Variants in DZANK1 observed in about 807,000 individuals in gnomAD.
DZANK1 encodes the protein double zinc ribbon and ankyrin repeat-containing protein 1.
A neutral mutation model predicts 94.5 loss-of-function variants in DZANK1; 91 were observed. The observed-to-expected ratio is 0.96, with a 90% CI of 0.81 to 1.15. The LOEUF is 1.15. Among genes scored for constraint, DZANK1 ranks in the 50% most tolerant of loss-of-function variants. DZANK1 has a pLI of 0.00. For synonymous variants in DZANK1, 312 were observed against 325.3 expected, an observed-to-expected ratio of 0.96 and a Z score of 0.44; for missense variants, 903 against 916.4, an observed-to-expected ratio of 0.99 and a Z score of 0.19.
In DZANK1 at chr20:18,444,321, G is replaced by A. The variant is rs117454030; in HGVS notation, c.630-857C>T. Among the ~76,000 whole-genome samples, 192 of 152,330 alleles carry A rather than the reference G, an allele frequency of 1.3e-3. 2 individuals carry two copies. The highest frequency in any genetic ancestry group is 3.4e-3 in the Middle Eastern group (1 of 294). ...GGGCCCACCCGCCAGAGCAACAACA[G>A]TTCCCTCTTTTCTATGCTTAAAGCT... is the stretch of plus-strand genomic sequence containing the variant. On this transcript the variant is annotated intron_variant, in intron 7 of 20. Coordinates refer to ENST00000262547, the Ensembl canonical transcript of DZANK1.
At chr20:18,386,050 G>A (rs1042775527) in intron 19 of DZANK1, among the ~76,000 whole-genome samples, 6 of 152,148 alleles carry the variant, frequency 3.9e-5, no homozygotes, top group Admixed American at 6.6e-5. Context: ...AATAGGCATT[G>A]ACGGTCTGAA....
Position 18,449,053 on chromosome 20 carries a change from T to C in DZANK1, c.560A>G (p.His187Arg), listed in dbSNP as rs2058997372. Residue 187 changes from histidine (H) to arginine (R), a missense_variant, in exon 7 of 21, where the codon CAC becomes CGC. By Grantham distance (29) the His-to-Arg change is conservative. Coordinates refer to ENST00000262547, the Ensembl canonical transcript of DZANK1. ...TGTCAAACACTTCTGACCGCTTACG[T>C]GTGCAAAACCGGGGGACTAAAATTA... is the stretch of plus-strand genomic sequence containing the variant. 1.9e-6 allele frequency: 3 copies of C among 1,613,844 alleles called. No individual in the cohort carries two copies. The African/African-American group carries it at 4.0e-5, about 22-fold the overall frequency.
intron 9 of DZANK1, chr20:18,432,631 T>C (rs1279612275): frequency 6.6e-6 from 1 of 152,226 alleles, no homozygotes; most frequent in African/African-American, 2.4e-5. Context: ...TGAATACATT[T>C]TGCCCATATA....
chr20:18,390,016 C>T (rs1046970233), intron 18 of DZANK1, among the ~76,000 whole-genome samples, 188 bp from the exon 19 acceptor site: 6 of 152,136 alleles, frequency 3.9e-5, no homozygotes, highest in Non-Finnish European at 7.4e-5. Flanking sequence ...CAAAGTTACC[C>T]AGGTGACAAA....
At chr20:18,455,704 A>C (rs1253339102) in intron 3 of DZANK1, among the ~76,000 whole-genome samples, 1 of 152,222 alleles carries the variant, frequency 6.6e-6, no homozygotes, top group East Asian at 1.9e-4. Flanking sequence ...CTGGATGTTC[A>C]AAATGACTTC....
At chr20:18,426,822 A>G (rs2058065525) in intron 10 of DZANK1, among the ~76,000 whole-genome samples, 1 of 152,204 alleles carries the variant, frequency 6.6e-6, no homozygotes, top group Admixed American at 6.5e-5. Flanking sequence ...CCTCCCATGC[A>G]AAGTTATTAA....
At position 18,420,526 on chromosome 20, in the gene DZANK1, A is replaced by C. The variant is rs528794689; in HGVS notation, c.955-5077T>G. The C allele has an allele frequency of 2.9e-5, 6 of 203,986 alleles. No homozygotes were observed. In the South Asian group the frequency reaches 6.0e-4, roughly 20 times the overall value. 12.6% of individuals were successfully genotyped at this position (203,986 alleles called of 1,614,324 possible). Reference sequence around the variant, plus strand: ...TGTCTGTGCCTCGCACCCACTCCATAAACTTTTGGGTTTTTTCATCCTCTA... The same window carrying C: ...TGTCTGTGCCTCGCACCCACTCCATCAACTTTTGGGTTTTTTCATCCTCTA... On this transcript the variant is annotated intron_variant, in intron 10 of 20. Transcript: ENST00000262547.
chr20:18,457,979 TCA>T (rs1210186040), intron 3 of DZANK1, among the ~76,000 whole-genome samples: 1 of 152,226 alleles, frequency 6.6e-6, no homozygotes, highest in African/African-American at 2.4e-5. Context: ...CATTGAAAGC[TCA>T]CCTTTCCTAT....
At chr20:18,442,314 C>A (rs2058738429) in intron 8 of DZANK1, among the ~76,000 whole-genome samples, 1 of 152,232 alleles carries the variant, frequency 6.6e-6, no homozygotes, top group African/African-American at 2.4e-5. Context: ...AGAGAAAAAT[C>A]AACCAATGGG....
chr20:18,410,238 T>TATGTAAAC, intron 13 of DZANK1, among the ~76,000 whole-genome samples: 3 of 152,282 alleles, frequency 2.0e-5, no homozygotes, highest in Admixed American at 2.0e-4. Context: ...TTATAACATA[T>TATGTAAAC]ATGTAAACAT....
At chr20:18,399,984 AGT>A (rs1478006825) in intron 13 of DZANK1, among the ~76,000 whole-genome samples, 4 of 152,252 alleles carry the variant, frequency 2.6e-5, no homozygotes, top group African/African-American at 9.6e-5. Context: ...CATAATTTGG[AGT>A]TCAGACAAGC....
chr20:18,394,769 C>A (rs1378213277), intron 15 of DZANK1: 1 of 458,588 alleles, frequency 2.2e-6, no homozygotes, highest in Admixed American at 2.3e-5. Flanking sequence ...TCTCAGGCTG[C>A]CAAGTGTGAA....
chr20:18,438,419 T>C (rs1470211519), intron 8 of DZANK1, among the ~76,000 whole-genome samples: 1 of 151,878 alleles, frequency 6.6e-6, no homozygotes, highest in East Asian at 1.9e-4. Flanking sequence ...AAAAGCAAGA[T>C]CCAACTACAT....
At chr20:18,424,051 G>A (rs1228029227) in intron 10 of DZANK1, among the ~76,000 whole-genome samples, 2 of 152,032 alleles carry the variant, frequency 1.3e-5, no homozygotes, top group African/African-American at 4.8e-5. Flanking sequence ...GAGAGAGAAG[G>A]AATGATAAAG....
At chr20:18,412,947 A>T in intron 12 of DZANK1, 94 bp from the exon 13 acceptor site, 1 of 1,182,082 alleles carries the variant, frequency 8.5e-7, no homozygotes, top group Non-Finnish European at 1.2e-6. Flanking sequence ...CAGAATAAAA[A>T]GTATCTCAAG....
In DZANK1 at chr20:18,443,340, TGCTCACCTGA is replaced by T. The variant is rs2058770126; in HGVS notation, c.744_747+6del. On this transcript the variant is annotated splice_donor_variant and splice_donor_5th_base_variant and coding_sequence_variant and intron_variant, in exon 8 of 21. Transcript: ENST00000262547. LOFTEE classifies it high-confidence loss of function. ...TGAAAGATGTTTTTAAGAATTCTGC[TGCTCACCTGA>T]GCTCCTTCTGGGGGTGGGAGACGAC... is the stretch of plus-strand genomic sequence containing the variant. The T allele has an allele frequency of 6.6e-7, 1 of 1,510,496 alleles. No individual in the cohort carries two copies. 93.6% of individuals were successfully genotyped at this position (1,510,496 alleles called of 1,614,324 possible).
intron 17 of DZANK1, 115 bp from the exon 18 acceptor site, chr20:18,390,574 G>C: frequency 1.1e-6 from 1 of 913,738 alleles, no homozygotes; most frequent in Non-Finnish European, 1.8e-6. Flanking sequence ...ATGAGTGTGT[G>C]CATGTGTGAG....
intron 15 of DZANK1, among the ~76,000 whole-genome samples, chr20:18,395,406 G>C (rs1356614401): frequency 1.3e-5 from 2 of 152,108 alleles, no homozygotes; most frequent in Non-Finnish European, 2.9e-5. Context: ...ACAATGACCT[G>C]GGAACAGTTA....
rs1278420788 is a variant in DZANK1, at chr20:18,447,954, G to A, written c.629+1030C>T. Among the ~76,000 whole-genome samples the A allele has an allele frequency of 3.9e-5, 6 of 152,076 alleles. No homozygotes were observed. The South Asian group carries it at 6.2e-4, about 16-fold the overall frequency. On this transcript the variant is annotated intron_variant, in intron 7 of 20. Transcript: ENST00000262547. ...TATTTGCCCCAAGGGAAATGAAAAC[G>A]TGTATACATAATGACTTTGGGGTTT...
Sources: gnomAD v4.1 joint callset for allele counts (sites outside exome capture counted in the v4.1 genomes callset) on GRCh38, gnomAD v4.1.1 for gene constraint, MANE v1.5 for transcripts, NCBI Gene and HGNC (gene_info 2026-07-23, HGNC 2026-07-21) for gene names.